The following TCF20 variants were observed in gnomAD, a reference collection of about 807,000 sequenced individuals.
The protein encoded by TCF20 is transcription factor 20.
Under a neutral mutation model 148.6 loss-of-function variants are expected in TCF20, and 3 were observed. The observed-to-expected ratio is 0.02, with a 90% confidence interval of 0.01 to 0.05. TCF20 has a LOEUF of 0.05. Ranked by LOEUF, TCF20 falls within the 10% of genes least tolerant of loss-of-function variation. The probability of loss-of-function intolerance (pLI) is 1.00; values close to 1 mark genes in which losing one functional copy is unlikely to be tolerated. For synonymous variants in TCF20, 1,049 were observed against 909.5 expected, an observed-to-expected ratio of 1.15 and a Z score of -2.76; for missense variants, 2,350 against 2,429.3, an observed-to-expected ratio of 0.97 and a Z score of 0.69.
chr22:42,309,197 G>A (rs544965144), intron 1 of TCF20, among the ~76,000 whole-genome samples: 2 of 152,226 alleles, frequency 1.3e-5, no homozygotes, highest in East Asian at 3.9e-4. Flanking sequence ...CAGTCACTGG[G>A]CTTGTTTTCA....
intron 1 of TCF20, among the ~76,000 whole-genome samples, chr22:42,223,884 T>C (rs1019944611): frequency 3.9e-5 from 6 of 152,222 alleles, no homozygotes; most frequent in Admixed American, 2.0e-4. Context: ...GCCTATATTT[T>C]TCTCAGTGGC....
chr22:42,225,337 G>A (rs759858138), intron 1 of TCF20, among the ~76,000 whole-genome samples: 4 of 151,894 alleles, frequency 2.6e-5, no homozygotes, highest in East Asian at 3.9e-4. Context: ...CCCTTAGGCC[G>A]GGCGCGGTGG....
intron 1 of TCF20, among the ~76,000 whole-genome samples, chr22:42,319,349 C>G (rs1053829455): frequency 6.6e-6 from 1 of 152,148 alleles, no homozygotes. Flanking sequence ...CTAAACTCCC[C>G]AAGTGCTCCA....
At chr22:42,278,979 G>T (rs982046716) in intron 1 of TCF20, 2 of 152,232 alleles carry the variant, frequency 1.3e-5, no homozygotes, top group African/African-American at 4.8e-5. Context: ...AGACATGATG[G>T]TGCAGGGTAC....
chr22:42,262,926 G>T (rs993682545), intron 1 of TCF20, among the ~76,000 whole-genome samples: 2 of 152,090 alleles, frequency 1.3e-5, no homozygotes, highest in African/African-American at 2.4e-5. Flanking sequence ...GCACGGACCA[G>T]CCCTGCTCTT....
chr22:42,219,288 A>T (rs548512444), intron 1 of TCF20, among the ~76,000 whole-genome samples: 1 of 141,234 alleles, frequency 7.1e-6, no homozygotes, highest in South Asian at 2.4e-4. Flanking sequence ...TGAACTCAGG[A>T]GTTCGAGGCT....
rs569401234 is a variant in TCF20, at chr22:42,289,065, C to G, written c.-37+54414G>C. ...GCTTCCATCCAGTGAAGCAGTCAGG[C>G]GGGGGCCGATGACTGGGAGGAAGGC... On this transcript the variant is annotated intron_variant, in intron 1 of 1. Transcript: ENST00000515426. Among the ~76,000 whole-genome samples the G allele has an allele frequency of 2.0e-5, 3 of 152,182 alleles. No homozygotes were observed. In the East Asian group the frequency reaches 5.8e-4, roughly 29 times the overall value.
Position 42,212,572 on chromosome 22 carries a change from C to T in TCF20, c.2734G>A (p.Gly912Ser). ...TTGGTTTCCATGGACACCAAACCACCAGGAAGAATGACCGACTGACTTAAA... is the reference window on the plus strand; with the variant it reads ...TTGGTTTCCATGGACACCAAACCACTAGGAAGAATGACCGACTGACTTAAA... Reference protein sequence around the residue: ...PTLSQSVILPGGLVSMETKLK... With the variant: ...PTLSQSVILPSGLVSMETKLK... Residue 912 changes from glycine (G) to serine (S), a missense_variant, in exon 2 of 6, where the codon GGT becomes AGT. Physicochemically the swap from Gly to Ser is moderately conservative, Grantham distance 56. Coordinates refer to ENST00000677622, the MANE Select transcript of TCF20 (RefSeq NM_001378418.1). 2 of 1,614,052 alleles carry T rather than the reference C, an allele frequency of 1.2e-6. No homozygotes were observed. The highest frequency in any genetic ancestry group is 1.7e-6 in the Non-Finnish European group (2 of 1,179,902).
rs1926561641 is a variant in TCF20 at position 42,270,614 on chromosome 22, G to A, written c.-312C>T. 6.9e-6 allele frequency among the ~76,000 whole-genome samples: 1 copy of A among 145,452 alleles called. No individual in the cohort carries two copies. The highest frequency in any genetic ancestry group is 2.5e-5 in the African/African-American group (1 of 40,568). ...CAGGGGCCGAAAGCGGCTGGGCTCG[G>A]GGTTTTTTCTCTCCATTCTCCCAAC... is the stretch of plus-strand genomic sequence containing the variant. On this transcript the variant is annotated 5_prime_UTR_variant, in exon 1 of 6. Coordinates refer to ENST00000677622, the MANE Select transcript of TCF20 (RefSeq NM_001378418.1).
intron 1 of TCF20, among the ~76,000 whole-genome samples, chr22:42,319,418 G>A (rs917505767): frequency 1.3e-5 from 2 of 152,172 alleles, no homozygotes; most frequent in African/African-American, 2.4e-5. Context: ...GGCTCTCATC[G>A]TGTGTGTTGG....
rs757119821 is a variant in TCF20 at position 42,297,646 on chromosome 22, C to T, written c.-37+45833G>A. ...GAGCTTCCCCTTCATAACCTCTTCTCCCAACCCAGACCAGGCAGACTTAGG... is the reference window on the plus strand; with the variant it reads ...GAGCTTCCCCTTCATAACCTCTTCTTCCAACCCAGACCAGGCAGACTTAGG... On this transcript the variant is annotated intron_variant, in intron 1 of 1. Transcript: ENST00000515426. This position sits in a 1 kb window ranked among gnomAD's most constrained non-coding sequence, Gnocchi z 4.3. Among the ~76,000 whole-genome samples, 1 of 152,226 alleles carries T rather than the reference C, an allele frequency of 6.6e-6. No homozygotes were observed. The highest frequency in any genetic ancestry group is 2.4e-5 in the African/African-American group (1 of 41,466).
chr22:42,179,475 T>C lies in TCF20; in HGVS notation c.5749+134A>G, dbSNP rs572237331. The C allele has an allele frequency of 7.8e-4, 487 of 623,800 alleles. 5 individuals are homozygous for C. Among genetic ancestry groups the C allele is most frequent in the Non-Finnish European group, 1.2e-4 (46 of 379,134 alleles). The allele number at this position is 623,800 out of a possible 1,614,324, so 38.6% of individuals were successfully genotyped here. On this transcript the variant is annotated intron_variant, in intron 3 of 5. Coordinates refer to ENST00000677622, the MANE Select transcript of TCF20 (RefSeq NM_001378418.1). ...TGAGTGCTGCTAATGGGTGGGAAGT[T>C]TTTTTATGAAGTGACAAAAAAAAAA...
chr22:42,186,170 T>C (rs1335162501), intron 2 of TCF20, among the ~76,000 whole-genome samples: 1 of 152,234 alleles, frequency 6.6e-6, no homozygotes, highest in Non-Finnish European at 1.5e-5. Context: ...CAGGCTTGAC[T>C]AGCTTTTTAG....
At chr22:42,253,727 C>T (rs1712106558) in intron 1 of TCF20, among the ~76,000 whole-genome samples, 1 of 152,044 alleles carries the variant, frequency 6.6e-6, no homozygotes. Flanking sequence ...TTAGTAAAAA[C>T]AAGTAATAAA....
chr22:42,274,836 C>T (rs1333871891), upstream of TCF20: 1 of 152,166 alleles, frequency 6.6e-6, no homozygotes, highest in Non-Finnish European at 1.5e-5. Flanking sequence ...GGCACCATGT[C>T]CATTAAAATG....
chr22:42,298,606 G>T (rs1046787600), intron 1 of TCF20, among the ~76,000 whole-genome samples: 2 of 152,190 alleles, frequency 1.3e-5, no homozygotes, highest in African/African-American at 4.8e-5. Context: ...ATCTTTGCAC[G>T]GATGGTGCTG....
At chr22:42,293,321 C>A (rs1927167028) in intron 1 of TCF20, among the ~76,000 whole-genome samples, 1 of 152,202 alleles carries the variant, frequency 6.6e-6, no homozygotes, top group African/African-American at 2.4e-5. Flanking sequence ...AGTATTGTCC[C>A]TAGGTGGGTG....
In TCF20 at chr22:42,251,492, CTTTTTTTTTT is replaced by C. The variant is rs71184878; in HGVS notation, c.-37+18837_-37+18846del. Among the ~76,000 whole-genome samples, 214 of 47,026 alleles carry C rather than the reference CTTTTTTTTTT, an allele frequency of 4.6e-3. 3 individuals are homozygous for C. Among genetic ancestry groups the C allele is most frequent in the Non-Finnish European group, 4.6e-3 (123 of 26,806 alleles). The allele number at this position is 47,026 out of a possible 152,430, so 30.9% of individuals were successfully genotyped here. ...ACTCTGTACCTGGCCAAACAAGTGT[CTTTTTTTTTT>C]TTTTTTTTTTTTTTTTTTGAGACAG... On this transcript the variant is annotated intron_variant, in intron 1 of 5. Coordinates refer to ENST00000677622, the MANE Select transcript of TCF20 (RefSeq NM_001378418.1).
At chr22:42,234,903 G>A (rs533232892) in intron 1 of TCF20, among the ~76,000 whole-genome samples, 1 of 152,254 alleles carries the variant, frequency 6.6e-6, no homozygotes, top group East Asian at 1.9e-4. Flanking sequence ...AACTTTTGGA[G>A]GGCAGGGCAG....
Sources: gnomAD v4.1 joint callset for allele counts (sites outside exome capture counted in the v4.1 genomes callset) on GRCh38, gnomAD v4.1.1 for gene constraint, Gnocchi (gnomAD v3.1) non-coding constraint, MANE v1.5 for transcripts, NCBI Gene and HGNC (gene_info 2026-07-23, HGNC 2026-07-21) for gene names.